Variants in OR5B12 observed in about 807,000 individuals in gnomAD.
The protein encoded by OR5B12 is olfactory receptor family 5 subfamily B member 12, also known as olfactory receptor 5B12.
For synonymous variants in OR5B12, 154 were observed against 138.0 expected, an observed-to-expected ratio of 1.12 and a Z score of -0.81; for missense variants, 418 against 377.0, an observed-to-expected ratio of 1.11 and a Z score of -0.90.
In OR5B12 at chr11:58,439,552, C is replaced by A. The variant is rs760625735; in HGVS notation, c.600G>T (p.Val200=). Residue 200 remains valine (V), a synonymous_variant, in exon 2 of 2, where the codon GTG becomes GTT. Coordinates refer to ENST00000641921, the MANE Select transcript of OR5B12 (RefSeq NM_001004733.3). ...NYISEMVIFF[V]VGFNDLFSIL... is the part of the protein sequence containing the mutation. ...TAGAAAAGAGGTCATTGAATCCCAC[C>A]ACAAAAAAAATAACCATCTCACTGA... The A allele has an allele frequency of 6.2e-7, 1 of 1,611,134 alleles. No individual in the cohort carries two copies. The highest frequency in any genetic ancestry group is 8.5e-7 in the Non-Finnish European group (1 of 1,179,168).
At position 58,439,426 on chromosome 11, in the gene OR5B12, G is replaced by T. The variant is rs762200553; in HGVS notation, c.726C>A (p.His242Gln). 15 of 1,613,946 alleles carry T rather than the reference G, an allele frequency of 9.3e-6. No individual in the cohort carries two copies. Among genetic ancestry groups the T allele is most frequent in the Non-Finnish European group, 7.6e-6 (9 of 1,180,004 alleles). The change falls in exon 2 of 2, where the codon CAC becomes CAA. Residue 242 changes from histidine to glutamine, a missense_variant. Physicochemically the swap from His to Gln is conservative, Grantham distance 24. Transcript: ENST00000641921. ...CATAAAAGATGGAAACTGCAGTAAG[G>T]TGGGAAGCACAAGTAGAAAAGGCCT... ...RQKAFSTCAS[H>Q]LTAVSIFYGT...
chr11:58,440,306 A>G (rs1855487726), intron 1 of OR5B12, 136 bp from the exon 2 acceptor site: 2 of 530,418 alleles, frequency 3.8e-6, no homozygotes, highest in East Asian at 2.9e-5. Flanking sequence ...AAACATGCCC[A>G]TGACCGCAAA....
Position 58,439,376 on chromosome 11 carries a change from C to G in OR5B12, c.776G>C (p.Arg259Pro). 1 of 1,613,866 alleles carries G rather than the reference C, an allele frequency of 6.2e-7. No homozygotes were observed. The highest frequency in any genetic ancestry group is 8.5e-7 in the Non-Finnish European group (1 of 1,179,986). ...FYGTGIFMYLRPNSSHFMGTD... is the reference protein window; with the variant it reads ...FYGTGIFMYLPPNSSHFMGTD... ...GCCCATGAAATGGCTGGAGTTAGGT[C>G]GTAAGTACATAAAGATTCCTGTCCC... Residue 259 changes from arginine (R) to proline (P), a missense_variant, in exon 2 of 2, where the codon CGA becomes CCA. Physicochemically the swap from Arg to Pro is moderately radical, Grantham distance 103. Transcript: ENST00000641921.
rs139272006 is a variant in OR5B12, at chr11:58,440,007, G to T, written c.145C>A (p.Leu49Met). The T allele has an allele frequency of 4.3e-6, 7 of 1,614,020 alleles. No individual in the cohort carries two copies. Among genetic ancestry groups the T allele is most frequent in the Non-Finnish European group, 5.9e-6 (7 of 1,180,026 alleles). ...GNLGMIELIL[L>M]DSCLHTPMYF... ...ATGGGGGTGTGGAGACAGGAGTCCA[G>T]TAGAATCAATTCAATCATCCCCAGG... The change falls in exon 2 of 2, where the codon CTG becomes ATG. Residue 49 changes from leucine to methionine, a missense_variant. By Grantham distance (15) the Leu-to-Met change is conservative (BLOSUM62 2). Transcript: ENST00000641921.
rs745694615 is a variant in OR5B12 at position 58,439,971 on chromosome 11, G to C, written c.181C>G (p.Leu61Val). ...AAGTCCACCAGGGAGAGGTTACTGA[G>C]GAAGAAGTACATGGGGGTGTGGAGA... ...SCLHTPMYFF[L>V]SNLSLVDFGY... Residue 61 changes from leucine to valine, a missense_variant, in exon 2 of 2, where the codon CTC becomes GTC. Leu to Val is a conservative substitution (Grantham distance 32, BLOSUM62 1). Transcript: ENST00000641921. The C allele has an allele frequency of 6.2e-7, 1 of 1,614,010 alleles. No individual in the cohort carries two copies. Among genetic ancestry groups the C allele is most frequent in the Non-Finnish European group, 8.5e-7 (1 of 1,180,036 alleles).
Position 58,439,527 on chromosome 11 carries a change from T to C in OR5B12, c.625A>G (p.Ile209Val), listed in dbSNP as rs771712337. ...AAGTAGGAGATCAAGATTACCAGGA[T>C]AGAAAAGAGGTCATTGAATCCCACC... ...FVVGFNDLFS[I>V]LVILISYLFI... is the part of the protein sequence containing the mutation. Residue 209 changes from isoleucine (I) to valine (V), a missense_variant, in exon 2 of 2, where the codon ATC (isoleucine) becomes GTC (valine). Physicochemically the swap from Ile to Val is conservative, Grantham distance 29 (BLOSUM62 3). Coordinates refer to ENST00000641921, the MANE Select transcript of OR5B12 (RefSeq NM_001004733.3). 3.1e-6 allele frequency: 5 copies of C among 1,613,646 alleles called. No individual in the cohort carries two copies. Among genetic ancestry groups the C allele is most frequent in the African/African-American group, 1.3e-5 (1 of 74,852 alleles).
In OR5B12 at chr11:58,439,377, G is replaced by A. The variant is rs142424894; in HGVS notation, c.775C>T (p.Arg259Ter). Residue 259 changes from arginine to a stop codon, truncating the protein, a stop_gained, in exon 2 of 2, where the codon CGA (arginine) becomes TGA (stop). Transcript: ENST00000641921. LOFTEE classifies it low-confidence loss of function (END_TRUNC). ...FYGTGIFMYL[R>*]PNSSHFMGTD... Reference sequence around the variant, plus strand: ...CCCATGAAATGGCTGGAGTTAGGTCGTAAGTACATAAAGATTCCTGTCCCA... The same window carrying A: ...CCCATGAAATGGCTGGAGTTAGGTCATAAGTACATAAAGATTCCTGTCCCA... The A allele has an allele frequency of 4.2e-5, 68 of 1,614,046 alleles. No homozygotes were observed. In the Middle Eastern group the frequency reaches 4.9e-4, roughly 12 times the overall value.
chr11:58,439,230 C>A lies in OR5B12; in HGVS notation c.922G>T (p.Ala308Ser), dbSNP rs118148210. ...AATTAAAATATGAATCCTATAGAGG[C>A]CTTTGCCTTCCCTACAGTCTTTTTA... ...AFKKTVGKAKASIGFIF is the reference protein window; with the variant it reads ...AFKKTVGKAKSSIGFIF The change falls in exon 2 of 2, where the codon GCC (alanine) becomes TCC (serine). Residue 308 changes from alanine to serine, a missense_variant. Coordinates refer to ENST00000641921, the MANE Select transcript of OR5B12 (RefSeq NM_001004733.3). 2 of 1,587,472 alleles carry A rather than the reference C, an allele frequency of 1.3e-6. No individual in the cohort carries two copies. Among genetic ancestry groups the A allele is most frequent in the Admixed American group, 1.7e-5 (1 of 57,814 alleles).
Position 58,439,096 on chromosome 11 carries a change from T to A in OR5B12, c.*111A>T. 1.9e-6 allele frequency: 1 copy of A among 526,178 alleles called. No individual in the cohort carries two copies. The highest frequency in any genetic ancestry group is 4.0e-5 in the South Asian group (1 of 25,208). 32.6% of individuals were successfully genotyped at this position (526,178 alleles called of 1,614,324 possible). A position where few individuals can be genotyped will look rare whatever the true frequency, so the allele number is the denominator to read the frequency against. ...GAAGAAAGTATGGCCAATTCATATG[T>A]TTAAGAAAACAGTCAATAGAAACTG... On this transcript the variant is annotated 3_prime_UTR_variant, in exon 2 of 2. Transcript: ENST00000641921.
intron 1 of OR5B12, among the ~76,000 whole-genome samples, chr11:58,441,194 ATAGT>A (rs902045836): frequency 6.6e-6 from 1 of 151,994 alleles, no homozygotes; most frequent in African/African-American, 2.4e-5. Flanking sequence ...CCTCATTCCA[ATAGT>A]TAGTTGTGCC....
intron 1 of OR5B12, among the ~76,000 whole-genome samples, chr11:58,440,950 C>T (rs1333254852): frequency 3.9e-5 from 6 of 152,190 alleles, no homozygotes; most frequent in Non-Finnish European, 7.4e-5. Flanking sequence ...GCAAGAGATA[C>T]ATTTCCTGAC....
rs373701921 is a variant in OR5B12, at chr11:58,439,456, G to A, written c.696C>T (p.Arg232=). The part of the protein sequence containing the change: ...TIMKMRSPEG[R]QKAFSTCASH... ...AAGCACAAGTAGAAAAGGCCTTCTG[G>A]CGTCCTTCAGGTGAGCGCATCTTCA... Residue 232 remains arginine, a synonymous_variant, in exon 2 of 2, where the codon CGC becomes CGT. Coordinates refer to ENST00000641921, the MANE Select transcript of OR5B12 (RefSeq NM_001004733.3). 2 of 1,613,852 alleles carry A rather than the reference G, an allele frequency of 1.2e-6. No individual in the cohort carries two copies.
rs766935984 is a variant in OR5B12, at chr11:58,439,770, G to A, written c.382C>T (p.Leu128=). The A allele has an allele frequency of 6.2e-7, 1 of 1,613,168 alleles. No homozygotes were observed. The highest frequency in any genetic ancestry group is 8.5e-7 in the Non-Finnish European group (1 of 1,179,146). Residue 128 remains leucine (L), a synonymous_variant, in exon 2 of 2, where the codon CTG becomes TTG. Coordinates refer to ENST00000641921, the MANE Select transcript of OR5B12 (RefSeq NM_001004733.3). Reference sequence around the variant, plus strand: ...GTTGTCATGGTGGTGGTGTAATGCAGGGGTTTACACAATGCTGCATAGCGG... The same window carrying A: ...GTTGTCATGGTGGTGGTGTAATGCAAGGGTTTACACAATGCTGCATAGCGG... The part of the protein sequence containing the change: ...YDRYAALCKP[L]HYTTTMTTNV...
In OR5B12 at chr11:58,439,689, A is replaced by T. The variant is rs140053270; in HGVS notation, c.463T>A (p.Ser155Thr). The T allele has an allele frequency of 3.1e-6, 5 of 1,613,994 alleles. No homozygotes were observed. Among genetic ancestry groups the T allele is most frequent in the Non-Finnish European group, 4.2e-6 (5 of 1,179,982 alleles). ...GSYICGFLNASIHTGNTFRLS... is the reference protein window; with the variant it reads ...GSYICGFLNATIHTGNTFRLS... ...CTGAAAGTGTTCCCAGTATGAATGG[A>T]TGCATTCAGGAAACCACAGATGTAG... Residue 155 changes from serine to threonine, a missense_variant, in exon 2 of 2, where the codon TCC becomes ACC. Physicochemically the swap from Ser to Thr is moderately conservative, Grantham distance 58. Transcript: ENST00000641921.
In OR5B12 at chr11:58,439,801, G is replaced by A. The variant is rs1855480289; in HGVS notation, c.351C>T (p.Ala117=). The change falls in exon 2 of 2, where the codon GCC becomes GCT. Residue 117 remains alanine (A), a synonymous_variant. Transcript: ENST00000641921. ...TACACAATGCTGCATAGCGGTCATA[G>A]GCCATTGATGCCAGGAGGAAACTTT... ...TAESFLLASM[A]YDRYAALCKP... 1 of 1,614,082 alleles carries A rather than the reference G, an allele frequency of 6.2e-7. No individual in the cohort carries two copies. The highest frequency in any genetic ancestry group is 1.7e-5 in the Admixed American group (1 of 60,006).
rs1203930661 is a variant in OR5B12, at chr11:58,439,848, A to C, written c.304T>G (p.Phe102Val). ...CTTTCTGCAGTGATAAAGGCTACAA[A>C]GAAGAAGAATTGTGTGGCACAAGCA... is the stretch of plus-strand genomic sequence containing the variant. ...YNACATQFFF[F>V]VAFITAESFL... The change falls in exon 2 of 2, where the codon TTT (phenylalanine) becomes GTT (valine). Residue 102 changes from phenylalanine to valine, a missense_variant. Coordinates refer to ENST00000641921, the MANE Select transcript of OR5B12 (RefSeq NM_001004733.3). 6.2e-7 allele frequency: 1 copy of C among 1,614,050 alleles called. No homozygotes were observed. Among genetic ancestry groups the C allele is most frequent in the Non-Finnish European group, 8.5e-7 (1 of 1,180,032 alleles).
In OR5B12 at chr11:58,439,616, G is replaced by A; in HGVS notation, c.536C>T (p.Ala179Val). Residue 179 changes from alanine to valine, a missense_variant, in exon 2 of 2, where the codon GCT (alanine) becomes GTT (valine). Ala to Val is a moderately conservative substitution (Grantham distance 64). Coordinates refer to ENST00000641921, the MANE Select transcript of OR5B12 (RefSeq NM_001004733.3). ...SNVVEHFFCD[A>V]PPLLTLSCSD... Reference sequence around the variant, plus strand: ...ACATGAGAGAGTCAAGAGAGGAGGAGCATCACAGAAAAAGTGTTCAACTAC... The same window carrying A: ...ACATGAGAGAGTCAAGAGAGGAGGAACATCACAGAAAAAGTGTTCAACTAC... 6.2e-7 allele frequency: 1 copy of A among 1,614,066 alleles called. No homozygotes were observed. Among genetic ancestry groups the A allele is most frequent in the Non-Finnish European group, 8.5e-7 (1 of 1,180,012 alleles).
At chr11:58,441,652 C>T (rs1309222906) in intron 1 of OR5B12, among the ~76,000 whole-genome samples, 1 of 152,038 alleles carries the variant, frequency 6.6e-6, no homozygotes, top group African/African-American at 2.4e-5. Flanking sequence ...AAATTCCACA[C>T]ATAAGTATGT....
rs1341472622 is a variant in OR5B12, at chr11:58,439,577, A to G, written c.575T>C (p.Ile192Thr). The change falls in exon 2 of 2, where the codon ATC (isoleucine) becomes ACC (threonine). Residue 192 changes from isoleucine to threonine, a missense_variant. Physicochemically the swap from Ile to Thr is moderately conservative, Grantham distance 89. Transcript: ENST00000641921. ...LLTLSCSDNY[I>T]SEMVIFFVVG... ...CACAAAAAAAATAACCATCTCACTG[A>G]TGTAGTTGTCTGAACATGAGAGAGT... The G allele has an allele frequency of 6.2e-7, 1 of 1,613,904 alleles. No individual in the cohort carries two copies. The highest frequency in any genetic ancestry group is 8.5e-7 in the Non-Finnish European group (1 of 1,179,948).
Sources: gnomAD v4.1 joint callset for allele counts (sites outside exome capture counted in the v4.1 genomes callset) on GRCh38, gnomAD v4.1.1 for gene constraint, MANE v1.5 for transcripts, NCBI Gene and HGNC (gene_info 2026-07-23, HGNC 2026-07-21) for gene names.